ARMC9: variants seen among roughly 807,000 people sequenced by gnomAD.
The protein encoded by ARMC9 is armadillo repeat containing 9.
A neutral mutation model predicts 107.0 loss-of-function variants in ARMC9; 94 were observed. The observed-to-expected ratio is 0.88, with a 90% CI of 0.74 to 1.04. The LOEUF (loss-of-function observed/expected upper bound fraction) is 1.04. ARMC9 is among the 50% of genes least tolerant of loss of function. The probability of loss-of-function intolerance (pLI) is 0.00; values close to 1 mark genes in which losing one functional copy is unlikely to be tolerated. For missense variants in ARMC9, 942 were observed against 1,030.1 expected (o/e 0.91, Z 1.17); for synonymous variants, 380 against 396.9 (o/e 0.96, Z 0.51).
chr2:231,234,688 CT>C (rs1473314083), intron 7 of ARMC9, among the ~76,000 whole-genome samples: 2 of 152,148 alleles, frequency 1.3e-5, no homozygotes, highest in African/African-American at 4.8e-5. Flanking sequence ...ACTGCAACTG[CT>C]GCCTCCCAGG....
intron 8 of ARMC9, among the ~76,000 whole-genome samples, chr2:231,239,122 A>G (rs1327336387): frequency 6.6e-6 from 1 of 152,222 alleles, no homozygotes; most frequent in Non-Finnish European, 1.5e-5. Context: ...ACACTTTTTA[A>G]TAGTCATTAT....
chr2:231,345,720 T>A (rs2044782667), intron 21 of ARMC9, among the ~76,000 whole-genome samples: 1 of 152,178 alleles, frequency 6.6e-6, no homozygotes, highest in South Asian at 2.1e-4. Flanking sequence ...TCTTTTCCTG[T>A]CTAGAGAGAA....
intron 15 of ARMC9, 108 bp downstream of exon 15, chr2:231,276,883 C>A: frequency 4.2e-6 from 6 of 1,421,730 alleles, no homozygotes; most frequent in Admixed American, 4.9e-5. Flanking sequence ...TCATAGAAAA[C>A]TAAAAACAGA....
intron 20 of ARMC9, among the ~76,000 whole-genome samples, chr2:231,341,765 A>AT (rs1391167290): frequency 6.6e-6 from 1 of 152,068 alleles, no homozygotes; most frequent in Non-Finnish European, 1.5e-5. Context: ...TTAGTAAGAA[A>AT]TTTTTTTTAC....
intron 24 of ARMC9, 138 bp from the exon 25 acceptor site, chr2:231,371,375 A>G: frequency 9.4e-7 from 1 of 1,065,386 alleles, no homozygotes; most frequent in Non-Finnish European, 1.3e-6. Context: ...AGTCGAGCCC[A>G]GGCCACAGAA....
chr2:231,276,323 T>A (rs1574911942), intron 14 of ARMC9, among the ~76,000 whole-genome samples: 1 of 151,402 alleles, frequency 6.6e-6, no homozygotes. Flanking sequence ...CAGGCTGGAG[T>A]GCAGTGGTAC....
At chr2:231,215,071 A>G in intron 4 of ARMC9, 70 bp downstream of exon 4, 2 of 1,531,084 alleles carry the variant, frequency 1.3e-6, no homozygotes, top group Non-Finnish European at 1.8e-6. Flanking sequence ...GTCATTGTCC[A>G]CATGGGCATG....
At chr2:231,251,429 T>A (rs2037288864) in intron 9 of ARMC9, among the ~76,000 whole-genome samples, 1 of 152,140 alleles carries the variant, frequency 6.6e-6, no homozygotes, top group South Asian at 2.1e-4. Context: ...CCTCCCAAAG[T>A]GCTGGGATGA....
intron 9 of ARMC9, among the ~76,000 whole-genome samples, chr2:231,242,150 CT>C (rs779277500): frequency 0.035 from 4,896 of 139,498 alleles, 208 homozygotes; most frequent in African/African-American, 0.1. Flanking sequence ...AGTTCAAATG[CT>C]TTTTTTTTTT....
chr2:231,342,689 G>C (rs1489136599), intron 20 of ARMC9, among the ~76,000 whole-genome samples: 1 of 152,198 alleles, frequency 6.6e-6, no homozygotes, highest in African/African-American at 2.4e-5. Context: ...GGAAGTTACA[G>C]TGGAAGCAGA....
Position 231,301,414 on chromosome 2 carries a change from A to AT in ARMC9, c.1773+5161_1773+5162insT, listed in dbSNP as rs1157815490. On this transcript the variant is annotated intron_variant, in intron 19 of 24. Transcript: ENST00000611582. ...GATTTTTCCAGATTGCTCTTTTCAA[A>AT]GGCTGTTAATAATTCAGATTTCACT... 7.2e-5 allele frequency among the ~76,000 whole-genome samples: 11 copies of AT among 152,264 alleles called. No individual in the cohort carries two copies. The East Asian group carries it at 1.5e-3, about 21-fold the overall frequency.
In ARMC9 at chr2:231,270,028, G is replaced by A. The variant is rs561713772; in HGVS notation, c.1120-954G>A. On this transcript the variant is annotated intron_variant, in intron 12 of 24. Transcript: ENST00000611582. ...GTCGATGGATAGTTCCACCCAGGGGGATCTGGGTGGGCCGTTTGCTGGGAA... is the reference window on the plus strand; with the variant it reads ...GTCGATGGATAGTTCCACCCAGGGGAATCTGGGTGGGCCGTTTGCTGGGAA... Among the ~76,000 whole-genome samples, 12 of 152,146 alleles carry A rather than the reference G, an allele frequency of 7.9e-5. No homozygotes were observed. The East Asian group carries it at 2.3e-3, about 30-fold the overall frequency.
At chr2:231,256,430 C>T (rs531795145) in intron 9 of ARMC9, 156 bp from the exon 10 acceptor site, 4 of 1,120,874 alleles carry the variant, frequency 3.6e-6, no homozygotes, top group African/African-American at 3.2e-5. Flanking sequence ...TTAAATAAAG[C>T]GTTTGTGTTT....
rs565069312 is a variant in ARMC9 at position 231,358,492 on chromosome 2, C to G, written c.2132-2262C>G. Among the ~76,000 whole-genome samples, 1 of 152,234 alleles carries G rather than the reference C, an allele frequency of 6.6e-6. No individual in the cohort carries two copies. Among genetic ancestry groups the G allele is most frequent in the Admixed American group, 6.5e-5 (1 of 15,290 alleles). On this transcript the variant is annotated intron_variant, in intron 22 of 24. Transcript: ENST00000611582. The surrounding 1 kb of genome is among the most constrained non-coding windows in gnomAD (Gnocchi z 4.5). The stretch of plus-strand genomic sequence containing the variant: ...GCTGGGATTACAGGCATGGGGCCCC[C>G]TCCACTTCCCTTCTCTCACTCACCT...
chr2:231,250,838 G>A lies in ARMC9; in HGVS notation c.880-5748G>A, dbSNP rs184148607. Among the ~76,000 whole-genome samples the A allele has an allele frequency of 4.6e-3, 698 of 152,258 alleles. 3 individuals are homozygous for A. Among genetic ancestry groups the A allele is most frequent in the Middle Eastern group, 0.01 (3 of 294 alleles). ...AGAGCAAATGTGGACTTTGGGACCCGACTGCCTGATTAGATTCTTGTTCTA... is the reference window on the plus strand; with the variant it reads ...AGAGCAAATGTGGACTTTGGGACCCAACTGCCTGATTAGATTCTTGTTCTA... On this transcript the variant is annotated intron_variant, in intron 9 of 24. Coordinates refer to ENST00000611582, the MANE Select transcript of ARMC9 (RefSeq NM_001352754.2).
chr2:231,259,063 T>C lies in ARMC9; in HGVS notation c.987T>C (p.Ser329=), dbSNP rs762055365. ...EKLKKDLILG[S]DRLKAFLLQA... is the part of the protein sequence containing the mutation. Reference sequence around the variant, plus strand: ...TGAAGAAGGATTTGATTTTGGGGAGTGACCGCTTGAAAGCCTTCTTGTTGC... The same window carrying C: ...TGAAGAAGGATTTGATTTTGGGGAGCGACCGCTTGAAAGCCTTCTTGTTGC... Residue 329 remains serine (S), a synonymous_variant, in exon 11 of 25, where the codon AGT becomes AGC. Coordinates refer to ENST00000611582, the MANE Select transcript of ARMC9 (RefSeq NM_001352754.2). 5 of 1,614,004 alleles carry C rather than the reference T, an allele frequency of 3.1e-6. No individual in the cohort carries two copies. The East Asian group carries it at 8.9e-5, about 29-fold the overall frequency.
intron 19 of ARMC9, among the ~76,000 whole-genome samples, chr2:231,316,250 C>T (rs1158206394): frequency 6.6e-6 from 1 of 151,454 alleles, no homozygotes; most frequent in Non-Finnish European, 1.5e-5. Flanking sequence ...CTCTTAACAA[C>T]AAATTCTGTT....
At chr2:231,260,400 C>G (rs1193396662) in intron 11 of ARMC9, among the ~76,000 whole-genome samples, 1 of 152,180 alleles carries the variant, frequency 6.6e-6, no homozygotes, top group Non-Finnish European at 1.5e-5. Context: ...GCCAGCAGTT[C>G]TTTAACTGAA....
intron 12 of ARMC9, chr2:231,270,446 G>A (rs2039225887): frequency 2.8e-6 from 1 of 362,028 alleles, no homozygotes; most frequent in Admixed American, 3.8e-5. Context: ...TGAGGAGTGA[G>A]TAATGGAAAT....
Sources: allele counts gnomAD v4.1 joint callset (sites outside exome capture counted in the v4.1 genomes callset), GRCh38; gene constraint gnomAD v4.1.1; non-coding constraint Gnocchi (gnomAD v3.1); transcripts MANE v1.5; gene names NCBI Gene and HGNC (gene_info 2026-07-23, HGNC 2026-07-21).